Variants in KRT8 observed in about 807,000 individuals in gnomAD.
KRT8 encodes the protein keratin, type II cytoskeletal 8.
KRT8 carries 24 observed loss-of-function variants against 43.0 expected under a neutral mutation model. That is an observed-to-expected ratio of 0.56 (90% CI 0.40 to 0.78). The LOEUF is 0.78. Ranked by LOEUF, KRT8 falls within the 30% of genes least tolerant of loss-of-function variation. The pLI is 0.00. For synonymous variants in KRT8, 214 were observed against 261.2 expected (o/e 0.82, Z 1.74); for missense variants, 492 against 638.4 (o/e 0.77, Z 2.47).
chr12:52,902,417 G>T (rs1319325727), intron 1 of KRT8, among the ~76,000 whole-genome samples: 1 of 151,986 alleles, frequency 6.6e-6, no homozygotes, highest in Non-Finnish European at 1.5e-5. Flanking sequence ...AGTCTCCGGC[G>T]CCCAGGCTGG....
rs71092792 is a variant in KRT8, at chr12:52,918,036, G to GAGAAGAAGAAGA, written c.-46-13021_-46-13010dup. On this transcript the variant is annotated intron_variant, in intron 2 of 6. Transcript: ENST00000546826. Reference sequence around the variant, plus strand: ...AGAAGGAGAAGAAGAAGAGGAGGAGGAGAAGAAGAAGAAGAGGAAGAAGAA... The same window carrying GAGAAGAAGAAGA: ...AGAAGGAGAAGAAGAAGAGGAGGAGGAGAAGAAGAAGAAGAAGAAGAAGAAGAGGAAGAAGAA... Among the ~76,000 whole-genome samples the GAGAAGAAGAAGA allele has an allele frequency of 5.3e-5, 6 of 113,204 alleles. No homozygotes were observed. The East Asian group carries it at 8.4e-4, about 16-fold the overall frequency. 74.3% of individuals were successfully genotyped at this position (113,204 alleles called of 152,430 possible). A position where few individuals can be genotyped will look rare whatever the true frequency, so the allele number is the denominator to read the frequency against.
chr12:52,899,110 C>G, intron 5 of KRT8: 2 of 558,996 alleles, frequency 3.6e-6, no homozygotes, highest in Non-Finnish European at 6.5e-6. Flanking sequence ...GTCAGGAGAT[C>G]GAGGCCATCC....
At chr12:52,928,341 C>T (rs2120687668) in intron 2 of KRT8, among the ~76,000 whole-genome samples, 1 of 152,256 alleles carries the variant, frequency 6.6e-6, no homozygotes. Flanking sequence ...AAGGAGCCCC[C>T]AGTGCACCAC....
upstream of KRT8, chr12:52,906,876 C>A: frequency 2.4e-6 from 1 of 425,008 alleles, no homozygotes; most frequent in South Asian, 1.7e-5. Flanking sequence ...GAAAGACAGG[C>A]ACATAGGACC....
chr12:52,916,406 C>T (rs1941741871), intron 2 of KRT8, among the ~76,000 whole-genome samples: 2 of 152,184 alleles, frequency 1.3e-5, no homozygotes, highest in Non-Finnish European at 2.9e-5. Context: ...CTCAGCTGCA[C>T]TTCTAGCAGC....
chr12:52,906,249 G>T (rs1279060910), upstream of KRT8, among the ~76,000 whole-genome samples: 3 of 151,870 alleles, frequency 2.0e-5, no homozygotes, highest in South Asian at 2.1e-4. Flanking sequence ...CGCAGGGGTT[G>T]GGGGGGGCAA....
chr12:52,940,537 A>G (rs1942250297), intron 2 of KRT8, among the ~76,000 whole-genome samples: 1 of 151,808 alleles, frequency 6.6e-6, no homozygotes, highest in Admixed American at 6.6e-5. Flanking sequence ...ATGAGGACAG[A>G]GAACAGATCA....
At chr12:52,903,066 T>C (rs765261747) in intron 1 of KRT8, among the ~76,000 whole-genome samples, 3 of 152,020 alleles carry the variant, frequency 2.0e-5, no homozygotes, top group Non-Finnish European at 4.4e-5. Context: ...AGAAATCTTT[T>C]AAGGGTACAG....
chr12:52,922,069 T>C (rs1941896725), intron 2 of KRT8, among the ~76,000 whole-genome samples: 1 of 151,534 alleles, frequency 6.6e-6, no homozygotes, highest in South Asian at 2.1e-4. Context: ...TATTTCCAGC[T>C]ACTTGGGAGG....
chr12:52,906,251 G>A (rs186458741), upstream of KRT8, among the ~76,000 whole-genome samples: 18 of 152,288 alleles, frequency 1.2e-4, no homozygotes, highest in Non-Finnish European at 2.5e-4. Context: ...CAGGGGTTGG[G>A]GGGGGCAAGA....
exon 2 of KRT8, chr12:52,949,494 G>C: frequency 6.2e-7 from 1 of 1,613,554 alleles, no homozygotes; most frequent in Non-Finnish European, 8.5e-7. Flanking sequence ...AGAACCGGAG[G>C]CTGGAGAGCA....
intron 2 of KRT8, among the ~76,000 whole-genome samples, chr12:52,916,243 G>A (rs1941737919): frequency 6.6e-6 from 1 of 152,020 alleles, no homozygotes; most frequent in East Asian, 1.9e-4. Context: ...AGATGGTAGG[G>A]GCAAAAACTA....
chr12:52,906,277 G>T (rs572186824), upstream of KRT8, among the ~76,000 whole-genome samples: 234 of 152,256 alleles, frequency 1.5e-3, 8 homozygotes, highest in South Asian at 0.048. Flanking sequence ...TGGGAGCTAT[G>T]TCAGGGACTT....
chr12:52,898,592 C>T, intron 6 of KRT8, 73 bp from the exon 7 acceptor site: 2 of 1,612,182 alleles, frequency 1.2e-6, no homozygotes, highest in South Asian at 1.1e-5. Flanking sequence ...GACCCCAAGT[C>T]CCAAGGGGCT....
At chr12:52,918,180 G>GAAGAAGAAGAAGAAGAAGAAGAAGAAGAA in intron 2 of KRT8, among the ~76,000 whole-genome samples, 5 of 73,818 alleles carry the variant, frequency 6.8e-5, no homozygotes, top group Non-Finnish European at 1.0e-4. Context: ...AAGAGGAAGA[G>GAAGAAGAAGAAGAAGAAGAAGAAGAAGAA]GAAGAAGAAG....
intron 2 of KRT8, among the ~76,000 whole-genome samples, chr12:52,929,376 T>C (rs1173661747): frequency 6.6e-6 from 1 of 152,056 alleles, no homozygotes; most frequent in Non-Finnish European, 1.5e-5. Flanking sequence ...GTATTTTTAG[T>C]AGAGACAGGG....
exon 1 of KRT8, chr12:52,904,794 A>G (rs1941470640): frequency 6.2e-7 from 1 of 1,612,120 alleles, no homozygotes; most frequent in African/African-American, 1.3e-5. Flanking sequence ...AACTGCGGTG[A>G]TGCCTCCCAT....
upstream of KRT8, chr12:52,905,114 G>C (rs1030072634): frequency 1.0e-5 from 15 of 1,447,688 alleles, no homozygotes; most frequent in Admixed American, 5.1e-5. Flanking sequence ...CGGGGGATGG[G>C]GGGGAAAGGC....
upstream of KRT8, among the ~76,000 whole-genome samples, chr12:52,906,338 A>G (rs1941518336): frequency 6.6e-6 from 1 of 152,152 alleles, no homozygotes; most frequent in East Asian, 1.9e-4. Context: ...CAGTGAGTGA[A>G]TCATGGGAAG....
Sources: gnomAD v4.1 joint callset for allele counts (sites outside exome capture counted in the v4.1 genomes callset) on GRCh38, gnomAD v4.1.1 for gene constraint, MANE v1.5 for transcripts, NCBI Gene and HGNC (gene_info 2026-07-23, HGNC 2026-07-21) for gene names.